Variants in PRKCE observed in about 807,000 individuals in gnomAD.
PRKCE encodes protein kinase C epsilon type.
In PRKCE, 16 loss-of-function variants were observed where a neutral mutation model predicts 85.4. The observed-to-expected ratio is 0.19, with a 90% confidence interval of 0.13 to 0.28. The LOEUF is 0.28. Among genes scored for constraint, PRKCE ranks in the 10% least tolerant of loss-of-function variants. The pLI, the probability that PRKCE is intolerant of heterozygous loss-of-function variation, is 1.00. For missense variants in PRKCE, 573 were observed against 975.2 expected (o/e 0.59, Z 5.49); for synonymous variants, 388 against 371.5 (o/e 1.04, Z -0.51).
chr2:46,173,880 T>C (rs544290793), intron 14 of PRKCE, among the ~76,000 whole-genome samples: 5 of 152,208 alleles, frequency 3.3e-5, no homozygotes, highest in Admixed American at 6.5e-5. Context: ...AAGTAGAGTT[T>C]TCTTTTTTCC....
chr2:45,744,099 T>C (rs1423099002), intron 1 of PRKCE, among the ~76,000 whole-genome samples: 4 of 152,056 alleles, frequency 2.6e-5, no homozygotes, highest in Non-Finnish European at 5.9e-5. Flanking sequence ...CTGAGTAACT[T>C]TGTCTTTCTT....
intron 2 of PRKCE, among the ~76,000 whole-genome samples, chr2:45,914,728 T>C (rs374111994): frequency 6.6e-6 from 1 of 152,218 alleles, no homozygotes; most frequent in Non-Finnish European, 1.5e-5. Flanking sequence ...CTTTCATTGA[T>C]GGCAAGTTAA....
chr2:46,157,557 G>T (rs1383973128), intron 13 of PRKCE, among the ~76,000 whole-genome samples: 2 of 152,166 alleles, frequency 1.3e-5, no homozygotes, highest in Admixed American at 6.5e-5. Context: ...AATGTTAATA[G>T]CATGAAGGCT....
At chr2:46,081,925 A>G (rs1254045212) in intron 10 of PRKCE, among the ~76,000 whole-genome samples, 2 of 152,084 alleles carry the variant, frequency 1.3e-5, no homozygotes, top group Admixed American at 1.3e-4. Flanking sequence ...GCAAAACCCC[A>G]TCTCTACTAA....
intron 2 of PRKCE, among the ~76,000 whole-genome samples, chr2:45,884,656 G>A (rs937344668): frequency 6.6e-6 from 1 of 152,078 alleles, no homozygotes; most frequent in African/African-American, 2.4e-5. Context: ...TGGTGACTGA[G>A]CCAGTCAACA....
intron 2 of PRKCE, among the ~76,000 whole-genome samples, chr2:45,893,738 C>T (rs1695915339): frequency 6.6e-6 from 1 of 152,150 alleles, no homozygotes; most frequent in Non-Finnish European, 1.5e-5. Context: ...TATTTGCCCA[C>T]TCATTGATCC....
At chr2:46,172,009 A>G (rs1282012224) in intron 14 of PRKCE, among the ~76,000 whole-genome samples, 1 of 152,230 alleles carries the variant, frequency 6.6e-6, no homozygotes, top group African/African-American at 2.4e-5. Flanking sequence ...GCTGTACAGC[A>G]GCAGCAGACA....
chr2:46,060,164 A>G (rs1031822269), intron 10 of PRKCE, among the ~76,000 whole-genome samples: 4 of 152,244 alleles, frequency 2.6e-5, no homozygotes, highest in African/African-American at 7.2e-5. Flanking sequence ...ATTGCTTACT[A>G]GTTGGGAGAA....
intron 13 of PRKCE, among the ~76,000 whole-genome samples, chr2:46,157,359 G>T (rs1420823910): frequency 2.0e-5 from 3 of 152,102 alleles, no homozygotes; most frequent in African/African-American, 4.8e-5. Context: ...CTTTTATTTT[G>T]GAGGCCTTAG....
chr2:46,156,723 G>C (rs1052457997), intron 13 of PRKCE, among the ~76,000 whole-genome samples: 1 of 152,080 alleles, frequency 6.6e-6, no homozygotes, highest in African/African-American at 2.4e-5. Flanking sequence ...TTCAAATTCT[G>C]TTTTGTTCAG....
chr2:45,843,584 G>A lies in PRKCE; in HGVS notation c.412+521G>A, dbSNP rs550409336. ...CTGCTCCCCACTGACTGATTAGATG[G>A]CGTATTACACCCTCTTCCTCTTACA... On this transcript the variant is annotated intron_variant, in intron 2 of 14. Coordinates refer to ENST00000306156, the MANE Select transcript of PRKCE (RefSeq NM_005400.3). Among the ~76,000 whole-genome samples the A allele has an allele frequency of 1.2e-4, 19 of 152,300 alleles. No homozygotes were observed. In the South Asian group the frequency reaches 2.7e-3, roughly 22 times the overall value.
intron 2 of PRKCE, among the ~76,000 whole-genome samples, chr2:45,955,314 G>A (rs1159857669): frequency 6.6e-6 from 1 of 152,266 alleles, no homozygotes; most frequent in East Asian, 1.9e-4. Flanking sequence ...AGTTTGGAGG[G>A]AGGAATGAGC....
intron 2 of PRKCE, among the ~76,000 whole-genome samples, chr2:45,863,874 C>T (rs1693370884): frequency 6.6e-6 from 1 of 152,110 alleles, no homozygotes; most frequent in Admixed American, 6.5e-5. Context: ...CGCCTGGCTG[C>T]ACTGGAGAGT....
rs571177096 is a variant in PRKCE, at chr2:45,782,220, C to A, written c.349-60780C>A. 6.5e-4 allele frequency among the ~76,000 whole-genome samples: 99 copies of A among 152,262 alleles called. 1 individual carries two copies. The highest frequency in any genetic ancestry group is 2.3e-3 in the African/African-American group (96 of 41,548). On this transcript the variant is annotated intron_variant, in intron 1 of 14. Coordinates refer to ENST00000306156, the MANE Select transcript of PRKCE (RefSeq NM_005400.3). The stretch of plus-strand genomic sequence containing the variant: ...AGTGCTTTACCAAGCCTCCTCTCGT[C>A]CAGGCCCATCTTCCGACTTGACCCC...
At chr2:45,923,188 G>A (rs1419233254) in intron 2 of PRKCE, among the ~76,000 whole-genome samples, 1 of 152,202 alleles carries the variant, frequency 6.6e-6, no homozygotes, top group African/African-American at 2.4e-5. Flanking sequence ...AGAAAGTTCT[G>A]ATAGGAAGGA....
intron 1 of PRKCE, among the ~76,000 whole-genome samples, chr2:45,802,812 C>T (rs546291527): frequency 2.0e-5 from 3 of 152,294 alleles, no homozygotes; most frequent in South Asian, 4.1e-4. Context: ...TGGACATAGA[C>T]GTATAAACAT....
intron 10 of PRKCE, among the ~76,000 whole-genome samples, chr2:46,029,169 A>T (rs1375662185): frequency 6.6e-6 from 1 of 152,078 alleles, no homozygotes; most frequent in Non-Finnish European, 1.5e-5. Context: ...ACGTATGTTG[A>T]TTAACTTAAT....
rs375477829 is a variant in PRKCE, at chr2:45,885,002, T to TTTTTTTTTTTTTTG, written c.412+41941_412+41942insTTTTTTTTTTTGTT. On this transcript the variant is annotated intron_variant, in intron 2 of 14. Coordinates refer to ENST00000306156, the MANE Select transcript of PRKCE (RefSeq NM_005400.3). ...ATATATATATATATATATATATATA[T>TTTTTTTTTTTTTTG]TTGTTGTTGTTGTTGTTGTTTTACC... Among the ~76,000 whole-genome samples the TTTTTTTTTTTTTTG allele has an allele frequency of 2.3e-4, 22 of 97,664 alleles. 2 individuals are homozygous for TTTTTTTTTTTTTTG. The highest frequency in any genetic ancestry group is 4.2e-4 in the Non-Finnish European group (20 of 47,614). 64.1% of individuals were successfully genotyped at this position (97,664 alleles called of 152,430 possible). A position where few individuals can be genotyped will look rare whatever the true frequency, so the allele number is the denominator to read the frequency against.
chr2:46,085,043 CT>C (rs1669459901), intron 10 of PRKCE, among the ~76,000 whole-genome samples: 1 of 152,148 alleles, frequency 6.6e-6, no homozygotes, highest in African/African-American at 2.4e-5. Context: ...ATCTCCACCC[CT>C]GGATTGTAAG....
Sources: gnomAD v4.1 joint callset for allele counts (sites outside exome capture counted in the v4.1 genomes callset) on GRCh38, gnomAD v4.1.1 for gene constraint, MANE v1.5 for transcripts, NCBI Gene and HGNC (gene_info 2026-07-23, HGNC 2026-07-21) for gene names.